PIP4K2B: variants seen among roughly 807,000 people sequenced by gnomAD.
The protein encoded by PIP4K2B is phosphatidylinositol-5-phosphate 4-kinase type 2 beta, also known as phosphatidylinositol 5-phosphate 4-kinase type-2 beta.
A neutral mutation model predicts 42.0 loss-of-function variants in PIP4K2B; 3 were observed. The observed-to-expected ratio is 0.07, with a 90% CI of 0.03 to 0.18. The LOEUF (loss-of-function observed/expected upper bound fraction) is 0.18, where lower values mean the gene tolerates loss of function less well. Among genes scored for constraint, PIP4K2B ranks in the 10% least tolerant of loss-of-function variants. PIP4K2B has a pLI of 1.00. For missense variants in PIP4K2B, 332 were observed against 562.3 expected, an observed-to-expected ratio of 0.59 and a Z score of 4.14; for synonymous variants, 204 against 210.1, an observed-to-expected ratio of 0.97 and a Z score of 0.25.
At chr17:38,779,342 T>G (rs199838092) in intron 5 of PIP4K2B, 41 bp downstream of exon 5, 10 of 1,571,472 alleles carry the variant, frequency 6.4e-6, no homozygotes, top group African/African-American at 1.4e-5. Flanking sequence ...GGGGCTCAGA[T>G]AGAGGGGAGG....
At chr17:38,779,062 T>C (rs1246947121) in intron 5 of PIP4K2B, among the ~76,000 whole-genome samples, 1 of 152,208 alleles carries the variant, frequency 6.6e-6, no homozygotes, top group African/African-American at 2.4e-5. Context: ...GAGATGCACT[T>C]GTGCTGGCAG....
At chr17:38,793,369 G>A (rs991402036) in intron 1 of PIP4K2B, among the ~76,000 whole-genome samples, 1 of 150,650 alleles carries the variant, frequency 6.6e-6, no homozygotes, top group Non-Finnish European at 1.5e-5. Flanking sequence ...TCAGCCTCCC[G>A]AGTAGCTGGG....
rs184913178 is a variant in PIP4K2B, at chr17:38,787,720, A to G, written c.160-800T>C. ...GTGATTCTCCTGCCTCAGCCTCCCA[A>G]GTAGCTGGGATTACAGGCATGCACC... On this transcript the variant is annotated intron_variant, in intron 1 of 9. Coordinates refer to ENST00000619039, the MANE Select transcript of PIP4K2B (RefSeq NM_003559.5). Among the ~76,000 whole-genome samples the G allele has an allele frequency of 1.8e-4, 27 of 152,162 alleles. No individual in the cohort carries two copies. The East Asian group carries it at 5.0e-3, about 28-fold the overall frequency.
At chr17:38,796,010 C>A (rs2143498547) in intron 1 of PIP4K2B, among the ~76,000 whole-genome samples, 1 of 152,154 alleles carries the variant, frequency 6.6e-6, no homozygotes, top group South Asian at 2.1e-4. Context: ...TGGTGGCAGG[C>A]ATCTGTAATC....
chr17:38,794,022 C>T (rs1270375804), intron 1 of PIP4K2B, among the ~76,000 whole-genome samples: 1 of 152,130 alleles, frequency 6.6e-6, no homozygotes, highest in African/African-American at 2.4e-5. Flanking sequence ...GGATTACAGA[C>T]TTAAATGTAA....
chr17:38,796,676 TA>T (rs1910676568), intron 1 of PIP4K2B, among the ~76,000 whole-genome samples: 1 of 152,198 alleles, frequency 6.6e-6, no homozygotes, highest in East Asian at 1.9e-4. Context: ...TTTTTCCACC[TA>T]GAAGTAAACT....
intron 3 of PIP4K2B, among the ~76,000 whole-genome samples, chr17:38,783,012 C>T (rs1045357221): frequency 6.6e-6 from 1 of 151,276 alleles, no homozygotes; most frequent in Non-Finnish European, 1.5e-5. Context: ...ATGGTGAAAC[C>T]CCGTCTCTAC....
chr17:38,776,717 T>C (rs1323857255), intron 7 of PIP4K2B: 5 of 379,324 alleles, frequency 1.3e-5, no homozygotes, highest in Non-Finnish European at 2.6e-5. Context: ...TTTCCCAAGT[T>C]TGTTTGTAGG....
intron 7 of PIP4K2B, 22 bp downstream of exon 7, chr17:38,777,665 G>A (rs772829554): frequency 2.0e-6 from 3 of 1,489,352 alleles, no homozygotes; most frequent in African/African-American, 1.4e-5. Context: ...CCTTGCAGGT[G>A]AAAATGAAGG....
intron 3 of PIP4K2B, among the ~76,000 whole-genome samples, chr17:38,783,605 CTT>C (rs201633459): frequency 4.0e-5 from 6 of 148,282 alleles, no homozygotes; most frequent in Admixed American, 1.3e-4. Context: ...TTCTCTCTCT[CTT>C]TTTTTTTTTT....
Position 38,786,837 on chromosome 17 carries a change from A to G in PIP4K2B, c.243T>C (p.Asn81=). 6.2e-7 allele frequency: 1 copy of G among 1,607,164 alleles called. No individual in the cohort carries two copies. The highest frequency in any genetic ancestry group is 8.5e-7 in the Non-Finnish European group (1 of 1,173,686). ...FKAYSKIKVD[N]HLFNKENLPS... ...AGACAACTTACTTATTGAAGAGATGATTGTCCACCTTGATCTTGCTGTAGG... is the reference window on the plus strand; with the variant it reads ...AGACAACTTACTTATTGAAGAGATGGTTGTCCACCTTGATCTTGCTGTAGG... Residue 81 remains asparagine (N), a synonymous_variant, in exon 2 of 10, where the codon AAT becomes AAC. Coordinates refer to ENST00000619039, the MANE Select transcript of PIP4K2B (RefSeq NM_003559.5).
intron 1 of PIP4K2B, among the ~76,000 whole-genome samples, chr17:38,794,601 C>G (rs1910529829): frequency 8.8e-6 from 1 of 114,234 alleles, no homozygotes; most frequent in Non-Finnish European, 1.7e-5. Context: ...AGAGAAACCC[C>G]AATTCATTAA....
Position 38,769,730 on chromosome 17 carries a change from G to C in PIP4K2B, c.1212C>G (p.Ser404=), listed in dbSNP as rs115542782. Residue 404 remains serine (S), a synonymous_variant, in exon 10 of 10, where the codon TCC becomes TCG. Transcript: ENST00000619039. ...EISTVNPEQY[S]KRFNEFMSNI... ...TGGACATAAACTCGTTGAAGCGTTT[G>C]GAGTACTGCTCAGGGTTCACAGTCG... is the stretch of plus-strand genomic sequence containing the variant. 5.6e-3 allele frequency: 9,021 copies of C among 1,610,930 alleles called. 39 individuals carry two copies. Among genetic ancestry groups the C allele is most frequent in the Non-Finnish European group, 7.0e-3 (8,284 of 1,177,058 alleles).
intron 7 of PIP4K2B, among the ~76,000 whole-genome samples, chr17:38,774,727 G>A (rs1046620304): frequency 1.1e-4 from 17 of 151,768 alleles, no homozygotes; most frequent in Middle Eastern, 3.4e-3. Flanking sequence ...CCAAGATCGC[G>A]CCACTGTACT....
At chr17:38,788,605 C>T (rs151254590) in intron 1 of PIP4K2B, among the ~76,000 whole-genome samples, 94 of 151,930 alleles carry the variant, frequency 6.2e-4, no homozygotes, top group Middle Eastern at 3.4e-3. Flanking sequence ...GCCTGTAATC[C>T]CAGTACTTTG....
At chr17:38,790,849 T>C (rs1910306666) in intron 1 of PIP4K2B, among the ~76,000 whole-genome samples, 1 of 152,210 alleles carries the variant, frequency 6.6e-6, no homozygotes, top group Non-Finnish European at 1.5e-5. Context: ...AGGCCACATG[T>C]AGATGATTCA....
At chr17:38,782,481 T>C (rs1223924465) in intron 3 of PIP4K2B, among the ~76,000 whole-genome samples, 1 of 152,170 alleles carries the variant, frequency 6.6e-6, no homozygotes, top group Non-Finnish European at 1.5e-5. Flanking sequence ...TCTGAGCAAC[T>C]TGGGGTTGCA....
At chr17:38,777,297 T>C (rs1466522529) in intron 7 of PIP4K2B, among the ~76,000 whole-genome samples, 3 of 152,168 alleles carry the variant, frequency 2.0e-5, no homozygotes, top group African/African-American at 7.2e-5. Flanking sequence ...ACTGCTGAGC[T>C]CAAGCGATCC....
chr17:38,798,699 G>C (rs562780789), intron 1 of PIP4K2B, among the ~76,000 whole-genome samples: 4 of 152,164 alleles, frequency 2.6e-5, no homozygotes, highest in Non-Finnish European at 5.9e-5. Context: ...GGAAGCCTGT[G>C]CTTCTCCAGT....
Sources: allele counts gnomAD v4.1 joint callset (sites outside exome capture counted in the v4.1 genomes callset), GRCh38; gene constraint gnomAD v4.1.1; transcripts MANE v1.5; gene names NCBI Gene and HGNC (gene_info 2026-07-23, HGNC 2026-07-21).